CDH13: variants seen among roughly 807,000 people sequenced by gnomAD.
The protein encoded by CDH13 is cadherin-13.
Under a neutral mutation model 63.8 loss-of-function variants are expected in CDH13, and 24 were observed. The observed-to-expected ratio is 0.38, with a 90% confidence interval of 0.27 to 0.53. The LOEUF is 0.53. CDH13 is among the 20% of genes least tolerant of loss of function. The pLI, the probability that CDH13 is intolerant of heterozygous loss-of-function variation, is 0.85. For synonymous variants in CDH13, 503 were observed against 355.3 expected (o/e 1.42, Z -4.67); for missense variants, 1,049 against 903.1 (o/e 1.16, Z -2.07).
At chr16:82,812,643 G>A (rs2151183039) in intron 1 of CDH13, among the ~76,000 whole-genome samples, 1 of 152,300 alleles carries the variant, frequency 6.6e-6, no homozygotes, top group East Asian at 1.9e-4. Context: ...GTTGGTGGAG[G>A]AAACCAGATG....
At chr16:82,704,327 C>T (rs1275400795) in intron 1 of CDH13, among the ~76,000 whole-genome samples, 2 of 152,164 alleles carry the variant, frequency 1.3e-5, no homozygotes, top group Non-Finnish European at 2.9e-5. Flanking sequence ...AGGCTGTGTC[C>T]ACCCGGATTG....
chr16:83,535,787 G>C (rs2075171560), intron 7 of CDH13, among the ~76,000 whole-genome samples: 1 of 147,274 alleles, frequency 6.8e-6, no homozygotes, highest in Non-Finnish European at 1.5e-5. Context: ...TTGACACAGA[G>C]GAAGTATTTG....
At chr16:83,227,805 G>C (rs936678847) in intron 5 of CDH13, among the ~76,000 whole-genome samples, 1 of 152,156 alleles carries the variant, frequency 6.6e-6, no homozygotes, top group Non-Finnish European at 1.5e-5. Context: ...CCATCAGAAA[G>C]GGATTCAGCT....
At chr16:82,663,847 A>G (rs1483014876) in intron 1 of CDH13, among the ~76,000 whole-genome samples, 2 of 152,138 alleles carry the variant, frequency 1.3e-5, no homozygotes, top group East Asian at 1.9e-4. Context: ...GCTAGCTTAC[A>G]TACTATGTGA....
At chr16:83,018,343 G>A (rs140541987) in intron 2 of CDH13, among the ~76,000 whole-genome samples, 24 of 152,250 alleles carry the variant, frequency 1.6e-4, no homozygotes, top group African/African-American at 4.3e-4. Flanking sequence ...TTTAGTTGCC[G>A]TTTATCCCTT....
intron 5 of CDH13, among the ~76,000 whole-genome samples, chr16:83,237,089 G>A (rs756469125): frequency 1.2e-4 from 19 of 152,242 alleles, no homozygotes; most frequent in South Asian, 6.2e-4. Flanking sequence ...GGGATGTTCC[G>A]CCACATTCTT....
chr16:83,713,986 A>G (rs936941727), intron 10 of CDH13, among the ~76,000 whole-genome samples: 1 of 152,194 alleles, frequency 6.6e-6, no homozygotes, highest in African/African-American at 2.4e-5. Flanking sequence ...AGTATTCTCC[A>G]AAATTCCTGG....
chr16:82,681,195 G>A (rs1005735388), intron 1 of CDH13, among the ~76,000 whole-genome samples: 1 of 152,220 alleles, frequency 6.6e-6, no homozygotes, highest in Admixed American at 6.5e-5. Flanking sequence ...AAGGAATGAA[G>A]TACTCTTACA....
At chr16:83,128,262 C>T (rs553805321) in intron 4 of CDH13, among the ~76,000 whole-genome samples, 50 of 152,104 alleles carry the variant, frequency 3.3e-4, no homozygotes, top group Non-Finnish European at 4.3e-4. Context: ...TGGAGGACTG[C>T]CGGTCTTAAG....
intron 10 of CDH13, among the ~76,000 whole-genome samples, chr16:83,707,919 A>G (rs929165290): frequency 2.7e-5 from 4 of 150,220 alleles, no homozygotes; most frequent in African/African-American, 9.8e-5. Context: ...TTCTACCCTA[A>G]TGACACCTTC....
At chr16:83,463,330 A>G (rs1206113885) in intron 6 of CDH13, among the ~76,000 whole-genome samples, 2 of 152,182 alleles carry the variant, frequency 1.3e-5, no homozygotes, top group African/African-American at 4.8e-5. Flanking sequence ...CAATAAAAAC[A>G]GTTCATTTCT....
chr16:83,341,994 CACACACACA>C (rs2090734961), intron 5 of CDH13, among the ~76,000 whole-genome samples: 2 of 126,542 alleles, frequency 1.6e-5, no homozygotes, highest in East Asian at 2.9e-4. Context: ...CCCTGCCACA[CACACACACA>C]CACACACACA....
intron 8 of CDH13, among the ~76,000 whole-genome samples, chr16:83,623,505 T>C (rs970814109): frequency 6.6e-6 from 1 of 152,176 alleles, no homozygotes; most frequent in Admixed American, 6.5e-5. Flanking sequence ...CTCGGAGCGG[T>C]GTGCACAGAG....
At chr16:82,964,407 G>T (rs763223795) in intron 2 of CDH13, among the ~76,000 whole-genome samples, 1 of 152,182 alleles carries the variant, frequency 6.6e-6, no homozygotes, top group South Asian at 2.1e-4. Flanking sequence ...TTCTGTGACA[G>T]CAGGTAGCCC....
intron 3 of CDH13, among the ~76,000 whole-genome samples, chr16:83,045,906 C>G (rs1430020915): frequency 6.6e-6 from 1 of 152,194 alleles, no homozygotes; most frequent in Admixed American, 6.5e-5. Context: ...AAAAATTAGC[C>G]TATTTGGCCC....
intron 7 of CDH13, among the ~76,000 whole-genome samples, chr16:83,584,787 C>T (rs898330947): frequency 7.9e-5 from 12 of 152,182 alleles, no homozygotes; most frequent in Non-Finnish European, 1.6e-4. Flanking sequence ...GCAGGTTGTA[C>T]AGGAAGCATG....
intron 6 of CDH13, among the ~76,000 whole-genome samples, chr16:83,363,126 T>G (rs2091195312): frequency 6.6e-6 from 1 of 152,246 alleles, no homozygotes; most frequent in Non-Finnish European, 1.5e-5. Flanking sequence ...ATTTATCTTT[T>G]AAAGTATCAA....
At chr16:83,221,713 A>T (rs959819237) in intron 5 of CDH13, among the ~76,000 whole-genome samples, 1 of 152,034 alleles carries the variant, frequency 6.6e-6, no homozygotes, top group African/African-American at 2.4e-5. Context: ...AACAGGAAGC[A>T]TGGCCAAGAC....
intron 13 of CDH13, among the ~76,000 whole-genome samples, chr16:83,789,422 C>G (rs187150715): frequency 6.6e-6 from 1 of 150,696 alleles, no homozygotes; most frequent in Admixed American, 6.6e-5. Context: ...TTTTGGCTCA[C>G]TGCAACTTCT....
Sources: gnomAD v4.1 joint callset for allele counts (sites outside exome capture counted in the v4.1 genomes callset) on GRCh38, gnomAD v4.1.1 for gene constraint, MANE v1.5 for transcripts, NCBI Gene and HGNC (gene_info 2026-07-23, HGNC 2026-07-21) for gene names.